Variants in SGCD observed in about 807,000 individuals in gnomAD.
SGCD encodes sarcoglycan delta, also known as delta-sarcoglycan.
SGCD carries 18 observed loss-of-function variants against 36.6 expected under a neutral mutation model. The observed-to-expected ratio is 0.49, with a 90% CI of 0.34 to 0.73. The LOEUF (loss-of-function observed/expected upper bound fraction) is 0.73. SGCD is among the 30% of genes least tolerant of loss of function. SGCD has a pLI of 0.01. For synonymous variants in SGCD, 133 were observed against 130.6 expected, an observed-to-expected ratio of 1.02 and a Z score of -0.12; for missense variants, 387 against 346.7, an observed-to-expected ratio of 1.12 and a Z score of -0.92.
In SGCD at chr5:156,724,955, A is replaced by C. The variant is rs466413; in HGVS notation, c.576-32626A>C. Reference sequence around the variant, plus strand: ...AGTAAAATATAATGTAAGATGATTGAAATTCCAGCATGCTCATTTTTCTGA... The same window carrying C: ...AGTAAAATATAATGTAAGATGATTGCAATTCCAGCATGCTCATTTTTCTGA... On this transcript the variant is annotated intron_variant, in intron 7 of 8. Coordinates refer to ENST00000337851, the MANE Select transcript of SGCD (RefSeq NM_000337.6). 2.3e-3 allele frequency among the ~76,000 whole-genome samples: 356 copies of C among 152,330 alleles called. 5 individuals are homozygous for C. In the East Asian group the frequency reaches 0.061, roughly 26 times the overall value.
intron 4 of SGCD, among the ~76,000 whole-genome samples, chr5:156,529,544 C>T (rs887742356): frequency 2.2e-4 from 33 of 149,006 alleles, no homozygotes; most frequent in African/African-American, 8.2e-4. Flanking sequence ...AAAAAAAATG[C>T]TTTTTTTCTT....
At chr5:156,217,986 T>C (rs1764616194) in intron 3 of SGCD, among the ~76,000 whole-genome samples, 1 of 152,190 alleles carries the variant, frequency 6.6e-6, no homozygotes, top group African/African-American at 2.4e-5. Context: ...ATTAAAATGA[T>C]GTTTCAGTCT....
chr5:156,272,009 T>C (rs995074353), intron 3 of SGCD, among the ~76,000 whole-genome samples: 5 of 152,232 alleles, frequency 3.3e-5, no homozygotes, highest in Non-Finnish European at 5.9e-5. Context: ...AATTTATTTT[T>C]ATAATTTTTA....
the SGCD span, among the ~76,000 whole-genome samples, chr5:155,737,964 C>T: frequency 1.3e-5 from 2 of 152,090 alleles, no homozygotes; most frequent in Non-Finnish European, 2.9e-5. Context: ...TTCTGTGAGC[C>T]TTGCAGACTC....
intron 6 of SGCD, among the ~76,000 whole-genome samples, chr5:156,628,193 G>T (rs34775200): frequency 0.035 from 5,384 of 152,198 alleles, 156 homozygotes; most frequent in Non-Finnish European, 0.053. Context: ...CATGAAGACA[G>T]TACAGGGGGA....
At chr5:156,487,813 A>AAAAAAAAAG (rs1554107842) in intron 3 of SGCD, among the ~76,000 whole-genome samples, 11 of 77,804 alleles carry the variant, frequency 1.4e-4, no homozygotes, top group East Asian at 8.7e-4. Flanking sequence ...AAAAAAAAAA[A>AAAAAAAAAG]AAAGAAAGAA....
chr5:156,741,378 A>C (rs967449238), intron 7 of SGCD, among the ~76,000 whole-genome samples: 4 of 152,212 alleles, frequency 2.6e-5, no homozygotes, highest in African/African-American at 9.6e-5. Context: ...GATAACATTT[A>C]AAGTTTTGTA....
the SGCD span, among the ~76,000 whole-genome samples, chr5:155,788,446 A>T: frequency 1.3e-5 from 2 of 152,196 alleles, no homozygotes; most frequent in East Asian, 3.9e-4. Flanking sequence ...TAATATCCAA[A>T]TTTTTTGCAC....
intron 6 of SGCD, among the ~76,000 whole-genome samples, chr5:156,614,104 A>C (rs1761937468): frequency 6.6e-6 from 1 of 151,880 alleles, no homozygotes; most frequent in South Asian, 2.1e-4. Flanking sequence ...GCACCATCAC[A>C]CCTGGCTAAT....
intron 3 of SGCD, among the ~76,000 whole-genome samples, chr5:156,467,958 T>C (rs1754787244): frequency 6.6e-6 from 1 of 152,202 alleles, no homozygotes; most frequent in Admixed American, 6.5e-5. Context: ...GATCATAGCC[T>C]GTAGAAGTAA....
chr5:156,328,535 A>G (rs1767917829), intron 1 of SGCD, among the ~76,000 whole-genome samples: 1 of 152,216 alleles, frequency 6.6e-6, no homozygotes, highest in African/African-American at 2.4e-5. Flanking sequence ...ATGCTGAAAG[A>G]AAAGTGGAGA....
intron 3 of SGCD, among the ~76,000 whole-genome samples, chr5:156,238,547 A>G (rs753350411): frequency 2.6e-5 from 4 of 152,218 alleles, no homozygotes; most frequent in African/African-American, 9.6e-5. Context: ...ACTTTATGTG[A>G]TATAGTCCCC....
At chr5:156,717,287 C>A (rs915174207) in intron 7 of SGCD, among the ~76,000 whole-genome samples, 5 of 152,138 alleles carry the variant, frequency 3.3e-5, no homozygotes, top group African/African-American at 1.2e-4. Context: ...GAGATAAGAT[C>A]TAGCTTTCTT....
Position 156,133,170 on chromosome 5 carries a change from A to G in SGCD, c.-44+9151A>G, listed in dbSNP as rs550519684. ...TGCAGTTTCATTCAATTTCAAGTGA[A>G]TTAGTAATTAATGTTGCTACAGGAG... On this transcript the variant is annotated intron_variant, in intron 3 of 9. Transcript: ENST00000517913. Among the ~76,000 whole-genome samples the G allele has an allele frequency of 2.6e-5, 4 of 152,346 alleles. No homozygotes were observed. In the East Asian group the frequency reaches 7.7e-4, roughly 29 times the overall value.
In SGCD at chr5:156,704,675, A is replaced by C. The variant is rs1048733683; in HGVS notation, c.576-52906A>C. ...GAAAAGTGGTTTATTCGAATATTTT[A>C]GTAAAGCAGGTATCAAGCAATGACA... On this transcript the variant is annotated intron_variant, in intron 7 of 8. Transcript: ENST00000337851. Among the ~76,000 whole-genome samples, 3 of 152,220 alleles carry C rather than the reference A, an allele frequency of 2.0e-5. No individual in the cohort carries two copies. The East Asian group carries it at 5.8e-4, about 29-fold the overall frequency.
At chr5:156,204,693 T>C (rs1172791169) in intron 3 of SGCD, among the ~76,000 whole-genome samples, 3 of 152,196 alleles carry the variant, frequency 2.0e-5, no homozygotes, top group East Asian at 3.9e-4. Context: ...GGAATAAATA[T>C]AGTTATATAG....
chr5:155,960,120 C>T (rs985110362), intron 1 of SGCD, among the ~76,000 whole-genome samples: 1 of 152,036 alleles, frequency 6.6e-6, no homozygotes, highest in Non-Finnish European at 1.5e-5. Flanking sequence ...TCTTCTCCTC[C>T]CTCCTTTTTC....
chr5:156,603,796 C>T (rs1020229192), intron 6 of SGCD, among the ~76,000 whole-genome samples: 9 of 151,902 alleles, frequency 5.9e-5, no homozygotes, highest in African/African-American at 2.2e-4. Flanking sequence ...TTTGTTAAGA[C>T]TTGTTTTGTG....
intron 3 of SGCD, among the ~76,000 whole-genome samples, chr5:156,250,844 A>G (rs12516472): frequency 6.6e-6 from 1 of 152,232 alleles, no homozygotes; most frequent in Non-Finnish European, 1.5e-5. Flanking sequence ...ATATCTGAAA[A>G]TGCTGTGTAA....
Sources: gnomAD v4.1 joint callset for allele counts (sites outside exome capture counted in the v4.1 genomes callset) on GRCh38, gnomAD v4.1.1 for gene constraint, MANE v1.5 for transcripts, NCBI Gene and HGNC (gene_info 2026-07-23, HGNC 2026-07-21) for gene names.